Variants in NTNG2 observed in about 807,000 individuals in gnomAD.
The protein encoded by NTNG2 is netrin-G2.
NTNG2 carries 15 observed loss-of-function variants against 47.6 expected under a neutral mutation model. That is an observed-to-expected ratio of 0.32 (90% CI 0.21 to 0.49). The LOEUF is 0.49. NTNG2 is among the 20% of genes least tolerant of loss of function. NTNG2 has a pLI of 0.99. For synonymous variants in NTNG2, 307 were observed against 324.6 expected (o/e 0.95, Z 0.58); for missense variants, 578 against 764.6 (o/e 0.76, Z 2.88).
Position 132,218,276 on chromosome 9 carries a change from GC to G in NTNG2, c.858-8572del, listed in dbSNP as rs2130878742. ...CCCCTTACCAGCTGTGGAACCTCAGGCAGCTCACTTCACCACCCCAAGTCTC... is the reference window on the plus strand; with the variant it reads ...CCCCTTACCAGCTGTGGAACCTCAGGAGCTCACTTCACCACCCCAAGTCTC... On this transcript the variant is annotated intron_variant, in intron 3 of 7. Transcript: ENST00000393229. The surrounding 1 kb of genome is among the most constrained non-coding windows in gnomAD (Gnocchi z 5.4). Among the ~76,000 whole-genome samples the G allele has an allele frequency of 6.6e-6, 1 of 152,268 alleles. No individual in the cohort carries two copies. Among genetic ancestry groups the G allele is most frequent in the African/African-American group, 2.4e-5 (1 of 41,554 alleles).
At chr9:132,229,468 C>G (rs908053687) in intron 4 of NTNG2, among the ~76,000 whole-genome samples, 32 of 152,280 alleles carry the variant, frequency 2.1e-4, no homozygotes, top group African/African-American at 7.7e-4. Flanking sequence ...TTCCCACCTC[C>G]TCACCACTCT....
intron 4 of NTNG2, among the ~76,000 whole-genome samples, chr9:132,228,059 G>A (rs144709380): frequency 7.0e-4 from 106 of 152,342 alleles, no homozygotes; most frequent in Middle Eastern, 3.4e-3. Flanking sequence ...CGAACCTCGG[G>A]GCCCTCCCAG....
intron 2 of NTNG2, among the ~76,000 whole-genome samples, chr9:132,189,294 G>T (rs907299075): frequency 1.3e-5 from 2 of 151,722 alleles, no homozygotes; most frequent in Admixed American, 6.6e-5. Context: ...GCATCTCCCT[G>T]TGTTGCCTGG....
intron 5 of NTNG2, chr9:132,233,341 A>ACG (rs1347766405): frequency 6.6e-6 from 1 of 152,266 alleles, no homozygotes; most frequent in East Asian, 1.9e-4. Flanking sequence ...GTACACACAC[A>ACG]CACACACAGA....
intron 5 of NTNG2, among the ~76,000 whole-genome samples, chr9:132,237,302 C>A (rs1841699983): frequency 6.6e-6 from 1 of 152,170 alleles, no homozygotes; most frequent in South Asian, 2.1e-4. Context: ...CACATCTGAG[C>A]AGGCGACAAG....
chr9:132,198,346 G>T lies in NTNG2; in HGVS notation c.594G>T (p.Glu198Asp). Residue 198 changes from glutamate (E) to aspartate (D), a missense_variant, in exon 3 of 8, where the codon GAG (glutamate) becomes GAT (aspartate). Glu to Asp is a conservative substitution (Grantham distance 45). Transcript: ENST00000393229. ...SSAHRVLCTE[E>D]YSRWAGSKKE... ...CGCACCGCGTGCTCTGCACCGAGGA[G>T]TACTCGCGCTGGGCAGGCTCCAAGA... 1 of 1,612,894 alleles carries T rather than the reference G, an allele frequency of 6.2e-7. No individual in the cohort carries two copies. Among genetic ancestry groups the T allele is most frequent in the South Asian group, 1.1e-5 (1 of 91,080 alleles).
intron 5 of NTNG2, chr9:132,232,776 G>A (rs1391628736): frequency 6.6e-6 from 1 of 151,932 alleles, no homozygotes; most frequent in Non-Finnish European, 1.5e-5. Context: ...CCATCTCTCT[G>A]ATCCAAGGAG....
intron 2 of NTNG2, among the ~76,000 whole-genome samples, chr9:132,169,034 C>G (rs1286309060): frequency 6.6e-6 from 1 of 152,174 alleles, no homozygotes; most frequent in Non-Finnish European, 1.5e-5. Flanking sequence ...GTGGTCACCC[C>G]TCCCAGTCCC....
chr9:132,213,589 T>C (rs1463411938), intron 3 of NTNG2, among the ~76,000 whole-genome samples: 1 of 152,176 alleles, frequency 6.6e-6, no homozygotes, highest in Non-Finnish European at 1.5e-5. Flanking sequence ...TCCTCCTTCA[T>C]CCTGCAGAAC....
chr9:132,189,545 C>T (rs1021890812), intron 2 of NTNG2, among the ~76,000 whole-genome samples: 2 of 152,090 alleles, frequency 1.3e-5, no homozygotes, highest in Admixed American at 6.5e-5. Context: ...GGGCACCTCT[C>T]GAATGAGCCT....
In NTNG2 at chr9:132,243,509, G is replaced by C. The variant is rs1842101004; in HGVS notation, c.*1398G>C. ...TCCAGCAGTTCTCCCATCTCCGCTT[G>C]GTGTCTCCAGCCCTGGGGCCACACT... On this transcript the variant is annotated 3_prime_UTR_variant, in exon 8 of 8. Coordinates refer to ENST00000393229, the MANE Select transcript of NTNG2 (RefSeq NM_032536.4). 6.6e-6 allele frequency: 1 copy of C among 152,246 alleles called. No homozygotes were observed. Among genetic ancestry groups the C allele is most frequent in the Admixed American group, 6.5e-5 (1 of 15,278 alleles). 9.4% of individuals were successfully genotyped at this position (152,246 alleles called of 1,614,324 possible). A position where few individuals can be genotyped will look rare whatever the true frequency, so the allele number is the denominator to read the frequency against.
In NTNG2 at chr9:132,231,793, G is replaced by C. The variant is rs1327873999; in HGVS notation, c.1054+1198G>C. ...CCCAGCACCCCACAGCCCACAGGTGGGTGCCAGGGTACAGCGACCCCTGTC... is the reference window on the plus strand; with the variant it reads ...CCCAGCACCCCACAGCCCACAGGTGCGTGCCAGGGTACAGCGACCCCTGTC... On this transcript the variant is annotated intron_variant, in intron 5 of 7. Coordinates refer to ENST00000393229, the MANE Select transcript of NTNG2 (RefSeq NM_032536.4). This position sits in a 1 kb window ranked among gnomAD's most constrained non-coding sequence, Gnocchi z 4.1. 6.0e-6 allele frequency: 1 copy of C among 166,092 alleles called. No homozygotes were observed. Among genetic ancestry groups the C allele is most frequent in the African/African-American group, 2.4e-5 (1 of 41,512 alleles). The allele number at this position is 166,092 out of a possible 1,614,324, so 10.3% of individuals were successfully genotyped here.
chr9:132,185,393 G>A (rs1018169113), intron 2 of NTNG2, among the ~76,000 whole-genome samples: 1 of 152,162 alleles, frequency 6.6e-6, no homozygotes. Flanking sequence ...AGCCAGGGGG[G>A]CCTGTCCCTC....
At chr9:132,177,948 C>T (rs547328865) in intron 2 of NTNG2, among the ~76,000 whole-genome samples, 58 of 152,328 alleles carry the variant, frequency 3.8e-4, no homozygotes, top group African/African-American at 1.2e-3. Context: ...TGAGCCACAG[C>T]GCCTGGCCTC....
chr9:132,241,809 G>T, intron 7 of NTNG2, 67 bp from the exon 8 acceptor site: 1 of 1,247,074 alleles, frequency 8.0e-7, no homozygotes, highest in East Asian at 3.0e-5. Flanking sequence ...ACCCTGCTTC[G>T]CAGGAGCTCG....
intron 3 of NTNG2, among the ~76,000 whole-genome samples, chr9:132,216,342 AGT>A (rs1480472164): frequency 6.6e-6 from 1 of 150,544 alleles, no homozygotes; most frequent in Non-Finnish European, 1.5e-5. Context: ...CTAGCCAATC[AGT>A]AGCAAAACCT....
At chr9:132,216,593 G>A (rs572346982) in intron 3 of NTNG2, among the ~76,000 whole-genome samples, 1 of 152,198 alleles carries the variant, frequency 6.6e-6, no homozygotes, top group East Asian at 1.9e-4. Context: ...GGGCTGGCCA[G>A]CATGCCCTAT....
In NTNG2 at chr9:132,221,801, C is replaced by A. The variant is rs759315854; in HGVS notation, c.858-5048C>A. On this transcript the variant is annotated intron_variant, in intron 3 of 7. Coordinates refer to ENST00000393229, the MANE Select transcript of NTNG2 (RefSeq NM_032536.4). The surrounding 1 kb of genome is among the most constrained non-coding windows in gnomAD (Gnocchi z 4.2). ...TACCAGCACCACCCAGCCTGTCCAG[C>A]TCTGACATCCAATGGCTACCTATTA... is the stretch of plus-strand genomic sequence containing the variant. 3.9e-5 allele frequency among the ~76,000 whole-genome samples: 6 copies of A among 152,248 alleles called. No individual in the cohort carries two copies. Among genetic ancestry groups the A allele is most frequent in the Non-Finnish European group, 8.8e-5 (6 of 68,046 alleles).
intron 2 of NTNG2, among the ~76,000 whole-genome samples, chr9:132,188,350 AC>A (rs1837565499): frequency 6.6e-6 from 1 of 152,216 alleles, no homozygotes; most frequent in South Asian, 2.1e-4. Flanking sequence ...TCCCCGTGGA[AC>A]CCGAGTCTGC....
Sources: allele counts gnomAD v4.1 joint callset (sites outside exome capture counted in the v4.1 genomes callset), GRCh38; gene constraint gnomAD v4.1.1; non-coding constraint Gnocchi (gnomAD v3.1); transcripts MANE v1.5; gene names NCBI Gene and HGNC (gene_info 2026-07-23, HGNC 2026-07-21).